Variants in MARCKS observed in about 807,000 individuals in gnomAD.
MARCKS encodes the protein myristoylated alanine-rich C-kinase substrate.
In MARCKS, 4 loss-of-function variants were observed where a neutral mutation model predicts 6.3. The observed-to-expected ratio is 0.63, with a 90% CI of 0.31 to 1.45. The LOEUF is 1.45. MARCKS is among the 40% of genes most tolerant of loss of function. The probability of loss-of-function intolerance (pLI) is 0.07; values close to 1 mark genes in which losing one functional copy is unlikely to be tolerated. For synonymous variants in MARCKS, 289 were observed against 236.5 expected (o/e 1.22, Z -2.04); for missense variants, 636 against 485.7 (o/e 1.31, Z -2.91).
chr6:113,859,020 A>C (rs1774833281), intron 1 of MARCKS, among the ~76,000 whole-genome samples: 1 of 151,984 alleles, frequency 6.6e-6, no homozygotes, highest in Non-Finnish European at 1.5e-5. Flanking sequence ...GCCTGCGGGC[A>C]GGGCCCGGCT....
intron 1 of MARCKS, 102 bp downstream of exon 1, chr6:113,857,949 C>T (rs1582438964): frequency 9.9e-7 from 1 of 1,014,338 alleles, no homozygotes; most frequent in South Asian, 1.4e-5. Context: ...TGGCTGGATT[C>T]TAGTCTGAAA....
At position 113,860,326 on chromosome 6, in the gene MARCKS, C is replaced by T. The variant is rs1392904447; in HGVS notation, c.746C>T (p.Pro249Leu). 1.4e-5 allele frequency: 18 copies of T among 1,304,674 alleles called. No individual in the cohort carries two copies. The highest frequency in any genetic ancestry group is 1.8e-5 in the Non-Finnish European group (18 of 1,001,492). The allele number at this position is 1,304,674 out of a possible 1,614,324, so 80.8% of individuals were successfully genotyped here. A position where few individuals can be genotyped will look rare whatever the true frequency, so the allele number is the denominator to read the frequency against. ...PQEAAVAPEK[P>L]PASDETKAAE... ...GAGGCCGCTGTCGCGCCAGAGAAGC[C>T]GCCCGCCAGCGACGAGACCAAGGCC... Residue 249 changes from proline (P) to leucine (L), a missense_variant, in exon 2 of 2, where the codon CCG becomes CTG. Transcript: ENST00000612661.
rs751349905 is a variant in MARCKS at position 113,859,947 on chromosome 6, G to T, written c.367G>T (p.Glu123Ter). The change falls in exon 2 of 2, where the codon GAG becomes TAG. Residue 123 changes from glutamate to a stop codon, truncating the protein, a stop_gained. Coordinates refer to ENST00000612661, the MANE Select transcript of MARCKS (RefSeq NM_002356.7). LOFTEE classifies it low-confidence loss of function (END_TRUNC). ...CGAGCCCGGCTCGCCCACGGCCGCG[G>T]AGGGAGAGGCCGCGTCGGCCGCCTC... The part of the protein sequence containing the change: ...AAEPGSPTAA[E>*]GEAASAASST... 2 of 1,499,588 alleles carry T rather than the reference G, an allele frequency of 1.3e-6. No homozygotes were observed. The highest frequency in any genetic ancestry group is 1.8e-6 in the Non-Finnish European group (2 of 1,130,020). The allele number at this position is 1,499,588 out of a possible 1,614,324, so 92.9% of individuals were successfully genotyped here.
rs750643113 is a variant in MARCKS, at chr6:113,860,412, G to C, written c.832G>C (p.Ala278Pro). The change falls in exon 2 of 2, where the codon GCC (alanine) becomes CCC (proline). Residue 278 changes from alanine to proline, a missense_variant. Ala to Pro is a conservative substitution (Grantham distance 27). Transcript: ENST00000612661. Reference sequence around the variant, plus strand: ...CGAGGAGGCCGGGGCCAGCGCCGCCGCCTGCGAGGCCCCCTCCGCCGCCGG... The same window carrying C: ...CGAGGAGGCCGGGGCCAGCGCCGCCCCCTGCGAGGCCCCCTCCGCCGCCGG... ...KAEEAGASAA[A>P]CEAPSAAGPG... The C allele has an allele frequency of 3.5e-6, 4 of 1,154,114 alleles. No individual in the cohort carries two copies. The South Asian group carries it at 9.9e-5, about 29-fold the overall frequency. 71.5% of individuals were successfully genotyped at this position (1,154,114 alleles called of 1,614,324 possible).
rs934358247 is a variant in MARCKS at position 113,859,221 on chromosome 6, C to G, written c.103-462C>G. ...GGGAATTCCTGGTATTTTGAAGAGG[C>G]CTTTATGTATTTAGGGCGAAAGAGG... is the stretch of plus-strand genomic sequence containing the variant. On this transcript the variant is annotated intron_variant, in intron 1 of 1. Coordinates refer to ENST00000612661, the MANE Select transcript of MARCKS (RefSeq NM_002356.7). Among the ~76,000 whole-genome samples, 7 of 152,198 alleles carry G rather than the reference C, an allele frequency of 4.6e-5. No individual in the cohort carries two copies. The East Asian group carries it at 5.8e-4, about 13-fold the overall frequency.
Position 113,860,738 on chromosome 6 carries a change from G to GT in MARCKS, c.*171dup, listed in dbSNP as rs45449896. The stretch of plus-strand genomic sequence containing the variant: ...TTTTTTTTAAGCACCAAATTTTGTT[G>GT]TTTTTTTTTTTTCTCCCCTCCCCAC... On this transcript the variant is annotated 3_prime_UTR_variant, in exon 2 of 2. Coordinates refer to ENST00000612661, the MANE Select transcript of MARCKS (RefSeq NM_002356.7). The GT allele has an allele frequency of 0.03, 9,942 of 333,414 alleles. No homozygotes were observed. Among genetic ancestry groups the GT allele is most frequent in the South Asian group, 0.048 (769 of 16,072 alleles). 20.7% of individuals were successfully genotyped at this position (333,414 alleles called of 1,614,324 possible). A position where few individuals can be genotyped will look rare whatever the true frequency, so the allele number is the denominator to read the frequency against.
rs1774888462 is a variant in MARCKS at position 113,860,740 on chromosome 6, T to TG, written c.*161_*162insG. 2.0e-5 allele frequency: 2 copies of TG among 102,368 alleles called. No individual in the cohort carries two copies. Among genetic ancestry groups the TG allele is most frequent in the Non-Finnish European group, 3.1e-5 (2 of 64,058 alleles). The allele number at this position is 102,368 out of a possible 1,614,324, so 6.3% of individuals were successfully genotyped here. On this transcript the variant is annotated 3_prime_UTR_variant, in exon 2 of 2. Coordinates refer to ENST00000612661, the MANE Select transcript of MARCKS (RefSeq NM_002356.7). ...TTTTTTAAGCACCAAATTTTGTTGTTTTTTTTTTTTCTCCCCTCCCCACAG... is the reference window on the plus strand; with the variant it reads ...TTTTTTAAGCACCAAATTTTGTTGTTGTTTTTTTTTTCTCCCCTCCCCACAG...
At position 113,860,406 on chromosome 6, in the gene MARCKS, GCCGCCGCCTGCGAGGCCCCCT is replaced by G. The variant is rs1269846455; in HGVS notation, c.835_855del (p.Cys279_Ala285del). ...AAAGGCCGAGGAGGCCGGGGCCAGCGCCGCCGCCTGCGAGGCCCCCTCCGCCGCCGGGCCCGGCGCGCCCCC... is the reference window on the plus strand; with the variant it reads ...AAAGGCCGAGGAGGCCGGGGCCAGCGCCGCCGCCGGGCCCGGCGCGCCCCC... On this transcript the variant is annotated inframe_deletion, in exon 2 of 2. Coordinates refer to ENST00000612661, the MANE Select transcript of MARCKS (RefSeq NM_002356.7). 8.6e-7 allele frequency: 1 copy of G among 1,156,270 alleles called. No individual in the cohort carries two copies. Among genetic ancestry groups the G allele is most frequent in the Non-Finnish European group, 1.1e-6 (1 of 926,196 alleles). 71.6% of individuals were successfully genotyped at this position (1,156,270 alleles called of 1,614,324 possible).
chr6:113,860,823 C>T lies in MARCKS; in HGVS notation c.*244C>T. The stretch of plus-strand genomic sequence containing the variant: ...TCCAACAGGTCGAGGAGAGCTTAAA[C>T]ACCTTCTTCCTCTGCCTTGTTTCTC... On this transcript the variant is annotated 3_prime_UTR_variant, in exon 2 of 2. Transcript: ENST00000612661. 3.5e-6 allele frequency: 1 copy of T among 288,872 alleles called. No individual in the cohort carries two copies. 17.9% of individuals were successfully genotyped at this position (288,872 alleles called of 1,614,324 possible). A position where few individuals can be genotyped will look rare whatever the true frequency, so the allele number is the denominator to read the frequency against.
In MARCKS at chr6:113,859,829, C is replaced by T. The variant is rs1189281728; in HGVS notation, c.249C>T (p.Ser83=). ...AAAGSGAASP[S]AAEKGEPAAA... ...CCGGGAGCGGGGCGGCGTCGCCCTC[C>T]GCGGCCGAGAAAGGTGAGCCGGCCG... The change falls in exon 2 of 2, where the codon TCC becomes TCT. Residue 83 remains serine, a synonymous_variant. Coordinates refer to ENST00000612661, the MANE Select transcript of MARCKS (RefSeq NM_002356.7). 7.7e-7 allele frequency: 1 copy of T among 1,292,570 alleles called. No homozygotes were observed. Among genetic ancestry groups the T allele is most frequent in the African/African-American group, 1.6e-5 (1 of 63,758 alleles). 80.1% of individuals were successfully genotyped at this position (1,292,570 alleles called of 1,614,324 possible).
In MARCKS at chr6:113,860,473, C is replaced by G; in HGVS notation, c.893C>G (p.Ala298Gly). Residue 298 changes from alanine (A) to glycine (G), a missense_variant, in exon 2 of 2, where the codon GCG (alanine) becomes GGG (glycine). Physicochemically the swap from Ala to Gly is moderately conservative, Grantham distance 60. Coordinates refer to ENST00000612661, the MANE Select transcript of MARCKS (RefSeq NM_002356.7). ...CCCCCGGAGCAGGAGGCAGCCCCCG[C>G]GGAGGAGCCCGCGGCCGCCGCAGCC... ...GAPPEQEAAP[A>G]EEPAAAAASS... The G allele has an allele frequency of 6.9e-7, 1 of 1,449,776 alleles. No homozygotes were observed. The highest frequency in any genetic ancestry group is 9.1e-7 in the Non-Finnish European group (1 of 1,093,774). 89.8% of individuals were successfully genotyped at this position (1,449,776 alleles called of 1,614,324 possible). A position where few individuals can be genotyped will look rare whatever the true frequency, so the allele number is the denominator to read the frequency against.
chr6:113,858,173 T>TG lies in MARCKS; in HGVS notation c.102+331dup, dbSNP rs774264993. Among the ~76,000 whole-genome samples the TG allele has an allele frequency of 1.1e-3, 162 of 151,870 alleles. 1 individual carries two copies. The highest frequency in any genetic ancestry group is 2.2e-3 in the Admixed American group (33 of 15,280). On this transcript the variant is annotated intron_variant, in intron 1 of 1. Coordinates refer to ENST00000612661, the MANE Select transcript of MARCKS (RefSeq NM_002356.7). ...CCCCCAGCCAGGTTTCATTTGTGTT[T>TG]GGGGGCACAATGGTGTTTGGGTGTC... is the stretch of plus-strand genomic sequence containing the variant.
At position 113,859,230 on chromosome 6, in the gene MARCKS, A is replaced by T. The variant is rs1345631718; in HGVS notation, c.103-453A>T. On this transcript the variant is annotated intron_variant, in intron 1 of 1. Coordinates refer to ENST00000612661, the MANE Select transcript of MARCKS (RefSeq NM_002356.7). ...TGGTATTTTGAAGAGGCCTTTATGT[A>T]TTTAGGGCGAAAGAGGGATGTGAAA... Among the ~76,000 whole-genome samples, 10 of 152,276 alleles carry T rather than the reference A, an allele frequency of 6.6e-5. No homozygotes were observed. In the East Asian group the frequency reaches 1.7e-3, roughly 27 times the overall value.
Position 113,859,985 on chromosome 6 carries a change from G to C in MARCKS, c.405G>C (p.Ser135=). 6.5e-7 allele frequency: 1 copy of C among 1,548,674 alleles called. No individual in the cohort carries two copies. The stretch of plus-strand genomic sequence containing the variant: ...CGTCGGCCGCCTCCTCGACTTCTTC[G>C]CCCAAGGCCGAGGACGGGGCCACGC... The part of the protein sequence containing the change: ...EAASAASSTS[S]PKAEDGATPS... Residue 135 remains serine, a synonymous_variant, in exon 2 of 2, where the codon TCG becomes TCC. Coordinates refer to ENST00000612661, the MANE Select transcript of MARCKS (RefSeq NM_002356.7).
Position 113,860,394 on chromosome 6 carries a change from G to T in MARCKS, c.814G>T (p.Ala272Ser), listed in dbSNP as rs1774875831. ...GGTGGAGGAGAAAAAGGCCGAGGAG[G>T]CCGGGGCCAGCGCCGCCGCCTGCGA... Reference protein sequence around the residue: ...SKVEEKKAEEAGASAAACEAP... With the variant: ...SKVEEKKAEESGASAAACEAP... Residue 272 changes from alanine to serine, a missense_variant, in exon 2 of 2, where the codon GCC becomes TCC. Coordinates refer to ENST00000612661, the MANE Select transcript of MARCKS (RefSeq NM_002356.7). 3.2e-6 allele frequency: 4 copies of T among 1,239,580 alleles called. No individual in the cohort carries two copies. The highest frequency in any genetic ancestry group is 1.5e-5 in the South Asian group (1 of 65,126). 76.8% of individuals were successfully genotyped at this position (1,239,580 alleles called of 1,614,324 possible).
rs181436457 is a variant in MARCKS, at chr6:113,861,391, T to C, written c.*812T>C. On this transcript the variant is annotated 3_prime_UTR_variant, in exon 2 of 2. Coordinates refer to ENST00000612661, the MANE Select transcript of MARCKS (RefSeq NM_002356.7). The stretch of plus-strand genomic sequence containing the variant: ...AGGGTGTTTTTAACTGTGACTATTG[T>C]ATAAAAACAAATCTTGATATCCAGA... 2.0e-5 allele frequency: 3 copies of C among 152,742 alleles called. No individual in the cohort carries two copies. Among genetic ancestry groups the C allele is most frequent in the East Asian group, 3.9e-4 (2 of 5,190 alleles). 9.5% of individuals were successfully genotyped at this position (152,742 alleles called of 1,614,324 possible).
chr6:113,862,693 A>G lies in MARCKS; in HGVS notation c.*2114A>G, dbSNP rs890497112. The G allele has an allele frequency of 1.3e-5, 2 of 152,108 alleles. No homozygotes were observed. Among genetic ancestry groups the G allele is most frequent in the African/African-American group, 4.8e-5 (2 of 41,458 alleles). The allele number at this position is 152,108 out of a possible 1,614,324, so 9.4% of individuals were successfully genotyped here. On this transcript the variant is annotated 3_prime_UTR_variant, in exon 2 of 2. Transcript: ENST00000612661. Reference sequence around the variant, plus strand: ...GATAAATCATTGAACCACATGTGTAACAACTGAATGCCAAATCTTAAACTC... The same window carrying G: ...GATAAATCATTGAACCACATGTGTAGCAACTGAATGCCAAATCTTAAACTC...
At chr6:113,858,974 T>C (rs1008903548) in intron 1 of MARCKS, among the ~76,000 whole-genome samples, 4 of 152,108 alleles carry the variant, frequency 2.6e-5, no homozygotes, top group Non-Finnish European at 4.4e-5. Context: ...GTTTGCGGAC[T>C]GTTGGGCTGC....
chr6:113,857,888 TTCTC>T, intron 1 of MARCKS, 41 bp downstream of exon 1: 2 of 1,489,902 alleles, frequency 1.3e-6, no homozygotes, highest in Non-Finnish European at 1.8e-6. Flanking sequence ...TTTCGTGTCT[TTCTC>T]TCCTTCCCTC....
Sources: gnomAD v4.1 joint callset for allele counts (sites outside exome capture counted in the v4.1 genomes callset) on GRCh38, gnomAD v4.1.1 for gene constraint, MANE v1.5 for transcripts, NCBI Gene and HGNC (gene_info 2026-07-23, HGNC 2026-07-21) for gene names.